STK32B: variants seen among roughly 807,000 people sequenced by gnomAD.
STK32B encodes serine/threonine-protein kinase 32B.
Under a neutral mutation model 52.6 loss-of-function variants are expected in STK32B, and 43 were observed. That is an observed-to-expected ratio of 0.82 (90% CI 0.64 to 1.05). STK32B has a LOEUF of 1.05. Among genes scored for constraint, STK32B ranks in the 50% least tolerant of loss-of-function variants. The pLI, the probability that STK32B is intolerant of heterozygous loss-of-function variation, is 0.00. For missense variants in STK32B, 621 were observed against 534.6 expected (o/e 1.16, Z -1.59); for synonymous variants, 238 against 204.3 (o/e 1.17, Z -1.41).
chr4:5,310,215 A>G (rs906464954), intron 3 of STK32B, among the ~76,000 whole-genome samples: 5 of 152,156 alleles, frequency 3.3e-5, no homozygotes, highest in African/African-American at 1.2e-4. Flanking sequence ...AACCTTCTGT[A>G]CATCAAAGGA....
At chr4:5,078,139 T>G (rs1712192980) in intron 1 of STK32B, among the ~76,000 whole-genome samples, 2 of 151,988 alleles carry the variant, frequency 1.3e-5, no homozygotes. Context: ...TTTCTTCTCT[T>G]GCCTCTTTTA....
Position 5,193,529 on chromosome 4 carries a change from A to G in STK32B, c.260+25079A>G, listed in dbSNP as rs373204551. Among the ~76,000 whole-genome samples the G allele has an allele frequency of 5.9e-5, 9 of 152,308 alleles. No individual in the cohort carries two copies. In the East Asian group the frequency reaches 9.7e-4, roughly 16 times the overall value. ...CAGGCGCCGTGGAAGCCTCTGCGTCATGCAGCCTGCAGAGATGGTCAGCAG... is the reference window on the plus strand; with the variant it reads ...CAGGCGCCGTGGAAGCCTCTGCGTCGTGCAGCCTGCAGAGATGGTCAGCAG... On this transcript the variant is annotated intron_variant, in intron 3 of 11. Transcript: ENST00000282908.
intron 1 of STK32B, among the ~76,000 whole-genome samples, chr4:5,060,557 C>T (rs949853735): frequency 6.6e-6 from 1 of 151,584 alleles, no homozygotes; most frequent in Non-Finnish European, 1.5e-5. Context: ...TGTTCTTTTT[C>T]TAGGTTTTTG....
At chr4:5,029,645 C>A in the STK32B span, among the ~76,000 whole-genome samples, 1 of 152,186 alleles carries the variant, frequency 6.6e-6, no homozygotes, top group African/African-American at 2.4e-5. Flanking sequence ...CTCCTGCAGA[C>A]GAACCCAGGC....
chr4:5,053,315 G>A (rs1741862091), intron 1 of STK32B, among the ~76,000 whole-genome samples: 1 of 152,172 alleles, frequency 6.6e-6, no homozygotes. Flanking sequence ...TGGAGCATGT[G>A]CAGGTGAGCA....
chr4:5,275,009 T>G (rs531773009), intron 3 of STK32B, among the ~76,000 whole-genome samples: 1 of 152,214 alleles, frequency 6.6e-6, no homozygotes, highest in Non-Finnish European at 1.5e-5. Flanking sequence ...TGCTCTTCCG[T>G]GACCCACGAC....
chr4:5,100,869 C>T (rs62290463), intron 1 of STK32B, among the ~76,000 whole-genome samples: 123,066 of 148,560 alleles, frequency 0.83, 51,012 homozygotes, highest in East Asian at 0.98. Context: ...TCCTCTCCTT[C>T]CTTCCTTCCT....
chr4:5,382,975 G>T (rs951229556), intron 4 of STK32B, among the ~76,000 whole-genome samples: 1 of 152,138 alleles, frequency 6.6e-6, no homozygotes, highest in Non-Finnish European at 1.5e-5. Context: ...ATGTCCCCTT[G>T]GAGGATACTC....
At chr4:5,234,915 C>G (rs1405523335) in intron 3 of STK32B, among the ~76,000 whole-genome samples, 1 of 152,214 alleles carries the variant, frequency 6.6e-6, no homozygotes, top group Non-Finnish European at 1.5e-5. Flanking sequence ...CAGGTTGAAT[C>G]AAAAGAATGA....
chr4:5,211,277 T>C (rs970905177), intron 3 of STK32B, among the ~76,000 whole-genome samples: 1 of 152,130 alleles, frequency 6.6e-6, no homozygotes, highest in African/African-American at 2.4e-5. Context: ...CTTCCCTAGG[T>C]GTGCTGTAAG....
chr4:5,105,746 A>G (rs952473299), intron 1 of STK32B, among the ~76,000 whole-genome samples: 11 of 151,508 alleles, frequency 7.3e-5, no homozygotes, highest in Non-Finnish European at 1.6e-4. Flanking sequence ...TGTATTTTTA[A>G]TAGAGACAGG....
chr4:5,126,432 T>C (rs10937625), intron 1 of STK32B, among the ~76,000 whole-genome samples: 36,693 of 152,164 alleles, frequency 0.24, 4,619 homozygotes, highest in Non-Finnish European at 0.25. Flanking sequence ...CTCACTTATC[T>C]GGGAGTTGGC....
intron 1 of STK32B, among the ~76,000 whole-genome samples, chr4:5,074,896 C>T (rs1250324923): frequency 1.3e-5 from 2 of 151,962 alleles, no homozygotes; most frequent in African/African-American, 2.4e-5. Flanking sequence ...AGAGTGTATC[C>T]TTCACTTCTG....
At chr4:5,432,893 A>C (rs1046462810) in intron 6 of STK32B, among the ~76,000 whole-genome samples, 4 of 152,212 alleles carry the variant, frequency 2.6e-5, no homozygotes, top group African/African-American at 9.6e-5. Flanking sequence ...TGTAGCAGAC[A>C]TTGTTATTCC....
At chr4:5,176,563 A>C (rs1486020331) in intron 3 of STK32B, among the ~76,000 whole-genome samples, 1 of 149,880 alleles carries the variant, frequency 6.7e-6, no homozygotes, top group Non-Finnish European at 1.5e-5. Context: ...CCTTCCTCAA[A>C]CTCCCAAGTA....
At chr4:5,357,117 A>G (rs1734241906) in intron 4 of STK32B, among the ~76,000 whole-genome samples, 1 of 152,100 alleles carries the variant, frequency 6.6e-6, no homozygotes, top group Non-Finnish European at 1.5e-5. Context: ...ACACATATAT[A>G]TACACACACC....
intron 3 of STK32B, among the ~76,000 whole-genome samples, chr4:5,223,530 T>G (rs540708872): frequency 1.2e-4 from 19 of 152,214 alleles, no homozygotes; most frequent in Middle Eastern, 3.4e-3. Context: ...AAGATTATTC[T>G]CAGCCAGGCG....
intron 1 of STK32B, among the ~76,000 whole-genome samples, chr4:5,112,417 A>T (rs1414432597): frequency 6.6e-6 from 1 of 152,182 alleles, no homozygotes; most frequent in Non-Finnish European, 1.5e-5. Flanking sequence ...GAAAGCCTAC[A>T]GGCTCGAGAC....
At chr4:5,439,863 C>T (rs1429938759) in intron 6 of STK32B, among the ~76,000 whole-genome samples, 1 of 151,948 alleles carries the variant, frequency 6.6e-6, no homozygotes, top group African/African-American at 2.4e-5. Context: ...AATAGGGAAT[C>T]CTTTCCCCAT....
Sources: gnomAD v4.1 joint callset for allele counts (sites outside exome capture counted in the v4.1 genomes callset) on GRCh38, gnomAD v4.1.1 for gene constraint, MANE v1.5 for transcripts, NCBI Gene and HGNC (gene_info 2026-07-23, HGNC 2026-07-21) for gene names.